ARHGAP12: variants seen among roughly 807,000 people sequenced by gnomAD.
ARHGAP12 encodes the protein rho GTPase-activating protein 12.
A neutral mutation model predicts 108.6 loss-of-function variants in ARHGAP12; 64 were observed. The observed-to-expected ratio is 0.59, with a 90% CI of 0.48 to 0.73. ARHGAP12 has a LOEUF of 0.73. Ranked by LOEUF, ARHGAP12 falls within the 30% of genes least tolerant of loss-of-function variation. The pLI is 0.00. For missense variants in ARHGAP12, 940 were observed against 1,005.9 expected (o/e 0.93, Z 0.89); for synonymous variants, 312 against 337.2 (o/e 0.93, Z 0.82).
chr10:31,832,677 T>A (rs1198387429), intron 9 of ARHGAP12, among the ~76,000 whole-genome samples: 7 of 152,184 alleles, frequency 4.6e-5, no homozygotes, highest in East Asian at 1.9e-4. Context: ...TCTCTCTCTC[T>A]CACAAGGAAG....
intron 12 of ARHGAP12, among the ~76,000 whole-genome samples, chr10:31,820,023 G>C (rs1835348616): frequency 1.3e-5 from 2 of 151,024 alleles, no homozygotes; most frequent in Non-Finnish European, 1.5e-5. Flanking sequence ...AGAAGATATA[G>C]AGATATCCCA....
chr10:31,868,456 G>A (rs1837415417), intron 3 of ARHGAP12, among the ~76,000 whole-genome samples: 1 of 152,016 alleles, frequency 6.6e-6, no homozygotes, highest in Non-Finnish European at 1.5e-5. Flanking sequence ...GGCAGGATAG[G>A]CCCTTGTCTA....
At chr10:31,924,846 A>C (rs1839965468) in intron 1 of ARHGAP12, among the ~76,000 whole-genome samples, 2 of 152,172 alleles carry the variant, frequency 1.3e-5, no homozygotes, top group Non-Finnish European at 2.9e-5. Flanking sequence ...CAAAGCAAAC[A>C]ATACAAACCT....
chr10:31,895,254 C>T (rs1332570165), intron 3 of ARHGAP12, among the ~76,000 whole-genome samples: 1 of 152,128 alleles, frequency 6.6e-6, no homozygotes, highest in Non-Finnish European at 1.5e-5. Flanking sequence ...CAAATGGGAT[C>T]GAATTAAACT....
chr10:31,827,913 C>G (rs556157970), intron 10 of ARHGAP12, among the ~76,000 whole-genome samples: 1 of 151,722 alleles, frequency 6.6e-6, no homozygotes, highest in East Asian at 1.9e-4. Flanking sequence ...CTTTTTATGT[C>G]TAGTTGAACT....
intron 4 of ARHGAP12, among the ~76,000 whole-genome samples, chr10:31,857,199 C>T (rs1194759105): frequency 6.6e-6 from 1 of 152,088 alleles, no homozygotes; most frequent in African/African-American, 2.4e-5. Context: ...AAAATTTTAA[C>T]CATTGGTAAA....
Position 31,806,503 on chromosome 10 carries a change from C to G in ARHGAP12, c.*1155G>C, listed in dbSNP as rs972004270. 1 of 152,594 alleles carries G rather than the reference C, an allele frequency of 6.6e-6. No homozygotes were observed. Among genetic ancestry groups the G allele is most frequent in the Non-Finnish European group, 1.5e-5 (1 of 68,018 alleles). 9.5% of individuals were successfully genotyped at this position (152,594 alleles called of 1,614,324 possible). A position where few individuals can be genotyped will look rare whatever the true frequency, so the allele number is the denominator to read the frequency against. On this transcript the variant is annotated 3_prime_UTR_variant, in exon 20 of 20. Coordinates refer to ENST00000344936, the MANE Select transcript of ARHGAP12 (RefSeq NM_018287.7). ...AGCAATGTCATTTTCCATCCAACATCCATCTAATTTACAGATGGGTTTCCA... is the reference window on the plus strand; with the variant it reads ...AGCAATGTCATTTTCCATCCAACATGCATCTAATTTACAGATGGGTTTCCA...
intron 10 of ARHGAP12, 144 bp from the exon 11 acceptor site, chr10:31,826,529 G>T: frequency 1.6e-6 from 1 of 617,978 alleles, no homozygotes; most frequent in Non-Finnish European, 2.7e-6. Context: ...ATTGGGGATA[G>T]ATACTAATGC....
At chr10:31,843,416 T>C in intron 7 of ARHGAP12, 45 bp downstream of exon 7, 1 of 1,573,322 alleles carries the variant, frequency 6.4e-7, no homozygotes, top group Non-Finnish European at 8.7e-7. Flanking sequence ...CAATTCACTG[T>C]ACAATATAAT....
rs192725892 is a variant in ARHGAP12, at chr10:31,905,552, C to A, written c.684+2620G>T. On this transcript the variant is annotated intron_variant, in intron 3 of 19. Transcript: ENST00000344936. Reference sequence around the variant, plus strand: ...AATACATATCAGTTTTTCCAGGGGTCGCCGATAAAGGTAAAGGAAGATAAA... The same window carrying A: ...AATACATATCAGTTTTTCCAGGGGTAGCCGATAAAGGTAAAGGAAGATAAA... 3.1e-4 allele frequency among the ~76,000 whole-genome samples: 47 copies of A among 151,686 alleles called. 1 individual carries two copies. Among genetic ancestry groups the A allele is most frequent in the Non-Finnish European group, 1.5e-5 (1 of 67,982 alleles).
chr10:31,870,575 A>G (rs943674255), intron 3 of ARHGAP12, among the ~76,000 whole-genome samples: 1 of 152,190 alleles, frequency 6.6e-6, no homozygotes, highest in African/African-American at 2.4e-5. Context: ...AAATTATAAC[A>G]TTGGGCCAGT....
intron 3 of ARHGAP12, among the ~76,000 whole-genome samples, chr10:31,873,167 T>G (rs1837606051): frequency 6.6e-6 from 1 of 152,206 alleles, no homozygotes; most frequent in Non-Finnish European, 1.5e-5. Context: ...TTTAACACAA[T>G]GTATCCAAAA....
chr10:31,853,013 C>T (rs1015307835), intron 5 of ARHGAP12, among the ~76,000 whole-genome samples: 1 of 152,158 alleles, frequency 6.6e-6, no homozygotes, highest in Non-Finnish European at 1.5e-5. Flanking sequence ...TAGGCGTCAG[C>T]CACGGCGCCC....
At chr10:31,839,607 C>A in intron 8 of ARHGAP12, 30 bp downstream of exon 8, 1 of 1,548,928 alleles carries the variant, frequency 6.5e-7, no homozygotes, top group Non-Finnish European at 8.8e-7. Context: ...AACTGGACTA[C>A]ATTATAAGAT....
At position 31,810,694 on chromosome 10, in the gene ARHGAP12, C is replaced by T; in HGVS notation, c.2005G>A (p.Val669Ile). 1 of 1,607,892 alleles carries T rather than the reference C, an allele frequency of 6.2e-7. No homozygotes were observed. Among genetic ancestry groups the T allele is most frequent in the Non-Finnish European group, 8.5e-7 (1 of 1,177,510 alleles). ...ATACATAACTTCACAAACTTTGGTA[C>T]TGTGCCATTCTCTCTCTGACACAGA... The part of the protein sequence containing the change: ...ANLCQRENGT[V>I]PKFVKLCIEH... Residue 669 changes from valine (V) to isoleucine (I), a missense_variant, in exon 16 of 20, where the codon GTA (valine) becomes ATA (isoleucine). Val to Ile is a conservative substitution (Grantham distance 29). Transcript: ENST00000344936.
chr10:31,832,345 C>T (rs1003781832), intron 9 of ARHGAP12, among the ~76,000 whole-genome samples: 3 of 152,158 alleles, frequency 2.0e-5, no homozygotes, highest in Non-Finnish European at 4.4e-5. Flanking sequence ...TCAGCATGTG[C>T]TTCATTAAGC....
intron 2 of ARHGAP12, among the ~76,000 whole-genome samples, chr10:31,910,313 A>T (rs1839291596): frequency 6.6e-6 from 1 of 152,142 alleles, no homozygotes; most frequent in Admixed American, 6.5e-5. Context: ...TTCTATAGCA[A>T]ACAAGTACTG....
chr10:31,897,300 G>A (rs1052716932), intron 3 of ARHGAP12, among the ~76,000 whole-genome samples: 2 of 152,096 alleles, frequency 1.3e-5, no homozygotes, highest in Non-Finnish European at 2.9e-5. Flanking sequence ...CACATCCCTG[G>A]TCTTGCCTAA....
intron 3 of ARHGAP12, among the ~76,000 whole-genome samples, chr10:31,898,752 A>T (rs1179530407): frequency 6.6e-6 from 1 of 152,152 alleles, no homozygotes; most frequent in Non-Finnish European, 1.5e-5. Flanking sequence ...GTAGCCTAGG[A>T]GCAACGGGCT....
Sources: allele counts gnomAD v4.1 joint callset (sites outside exome capture counted in the v4.1 genomes callset), GRCh38; gene constraint gnomAD v4.1.1; transcripts MANE v1.5; gene names NCBI Gene and HGNC (gene_info 2026-07-23, HGNC 2026-07-21).